Variants in LARGE1 observed in about 807,000 individuals in gnomAD.
The protein encoded by LARGE1 is LARGE xylosyl- and glucuronyltransferase 1.
In LARGE1, 43 loss-of-function variants were observed where a neutral mutation model predicts 87.6. The observed-to-expected ratio is 0.49, with a 90% confidence interval of 0.38 to 0.63. The LOEUF is 0.63. Ranked by LOEUF, LARGE1 falls within the 30% of genes least tolerant of loss-of-function variation. The pLI is 0.00. For missense variants in LARGE1, 802 were observed against 1,000.2 expected (o/e 0.80, Z 2.67); for synonymous variants, 434 against 394.6 (o/e 1.10, Z -1.18).
chr22:33,303,815 G>C (rs181787807), intron 12 of LARGE1, among the ~76,000 whole-genome samples: 10 of 150,892 alleles, frequency 6.6e-5, no homozygotes, highest in Non-Finnish European at 8.8e-5. Context: ...AGTAGGGGGG[G>C]GGTTTCACCA....
At chr22:33,871,982 C>CAAAAAACAAAAAAA (rs2064298852) in intron 1 of LARGE1, among the ~76,000 whole-genome samples, 1 of 86,814 alleles carries the variant, frequency 1.2e-5, no homozygotes, top group African/African-American at 3.9e-5. Context: ...TCTAAATCAG[C>CAAAAAACAAAAAAA]AAAAAAAAAA....
At position 33,431,970 on chromosome 22, in the gene LARGE1, A is replaced by G. The variant is rs532239616; in HGVS notation, c.892+191T>C. On this transcript the variant is annotated intron_variant, in intron 7 of 14. Transcript: ENST00000397394. ...AGATGCCACAGACTGCCACAGCCCA[A>G]CGGTTACTCTACCTGTGGGTATAGC... Among the ~76,000 whole-genome samples, 19 of 152,312 alleles carry G rather than the reference A, an allele frequency of 1.2e-4. No homozygotes were observed. In the South Asian group the frequency reaches 3.9e-3, roughly 32 times the overall value.
chr22:33,284,804 T>C (rs1285951169), intron 12 of LARGE1, among the ~76,000 whole-genome samples: 1 of 152,180 alleles, frequency 6.6e-6, no homozygotes, highest in Non-Finnish European at 1.5e-5. Flanking sequence ...CTTGATCTCT[T>C]GACCTTGTGA....
rs537058812 is a variant in LARGE1, at chr22:33,772,575, TA to T, written c.-82-11018del. On this transcript the variant is annotated intron_variant, in intron 1 of 14. Transcript: ENST00000397394. Reference sequence around the variant, plus strand: ...TTGCTGGACTGCATCCTTATCCCTCTAGACTGGATCTTGAATGCTGTCAACT... The same window carrying T: ...TTGCTGGACTGCATCCTTATCCCTCTGACTGGATCTTGAATGCTGTCAACT... Among the ~76,000 whole-genome samples, 26 of 152,194 alleles carry T rather than the reference TA, an allele frequency of 1.7e-4. No homozygotes were observed. The South Asian group carries it at 5.4e-3, about 32-fold the overall frequency.
In LARGE1 at chr22:33,381,938, CTG is replaced by C; in HGVS notation, c.1110_1111del (p.Tyr370Ter). On this transcript the variant is annotated stop_gained and frameshift_variant, in exon 9 of 15. Coordinates refer to ENST00000397394, the MANE Select transcript of LARGE1 (RefSeq NM_133642.5). LOFTEE classifies it high-confidence loss of function. ...CCCTACCTTTAGATCAGACACGTCT[CTG>C]TAGCACTGCTCGGAGCGGGTGTGGT... 1 of 1,614,156 alleles carries C rather than the reference CTG, an allele frequency of 6.2e-7. No individual in the cohort carries two copies. The highest frequency in any genetic ancestry group is 8.5e-7 in the Non-Finnish European group (1 of 1,180,020).
intron 11 of LARGE1, among the ~76,000 whole-genome samples, chr22:33,176,310 T>C (rs1922866770): frequency 6.6e-6 from 1 of 152,136 alleles, no homozygotes; most frequent in African/African-American, 2.4e-5. Flanking sequence ...AAATGGGATC[T>C]AATGAAGCTA....
intron 10 of LARGE1, among the ~76,000 whole-genome samples, chr22:33,318,666 G>A (rs1421576315): frequency 2.6e-5 from 4 of 152,042 alleles, no homozygotes; most frequent in Non-Finnish European, 5.9e-5. Flanking sequence ...GTTAATGGGT[G>A]CAGCACACCA....
chr22:33,594,826 C>T (rs751600498), intron 5 of LARGE1, among the ~76,000 whole-genome samples: 4 of 152,144 alleles, frequency 2.6e-5, no homozygotes, highest in African/African-American at 4.8e-5. Context: ...AGGCTGGTCT[C>T]GAACTCCTGA....
At chr22:33,604,084 C>T (rs1232277946) in intron 5 of LARGE1, among the ~76,000 whole-genome samples, 2 of 152,012 alleles carry the variant, frequency 1.3e-5, no homozygotes, top group Non-Finnish European at 2.9e-5. Context: ...AAATTTAAAC[C>T]CCAGCCCATG....
intron 6 of LARGE1, among the ~76,000 whole-genome samples, chr22:33,562,605 G>A (rs2077894038): frequency 2.0e-5 from 3 of 152,334 alleles, no homozygotes; most frequent in South Asian, 2.1e-4. Flanking sequence ...GAATCTGAGA[G>A]TCCTCCAAAT....
At chr22:33,576,510 G>C (rs966592695) in intron 5 of LARGE1, among the ~76,000 whole-genome samples, 1 of 152,062 alleles carries the variant, frequency 6.6e-6, no homozygotes, top group Non-Finnish European at 1.5e-5. Flanking sequence ...AGGTGGCTTT[G>C]GTGCTATTGT....
intron 6 of LARGE1, among the ~76,000 whole-genome samples, chr22:33,503,033 C>T (rs1162980372): frequency 2.6e-5 from 4 of 152,138 alleles, no homozygotes; most frequent in Admixed American, 1.3e-4. Context: ...GGTTGAGGTT[C>T]GAATCAGGTA....
chr22:33,198,788 T>C (rs1924220699), intron 11 of LARGE1, among the ~76,000 whole-genome samples: 1 of 152,198 alleles, frequency 6.6e-6, no homozygotes, highest in South Asian at 2.1e-4. Context: ...TTTGCTATTG[T>C]GAATAGTGCT....
intron 11 of LARGE1, among the ~76,000 whole-genome samples, chr22:33,209,791 G>T (rs1026738422): frequency 1.3e-5 from 2 of 152,032 alleles, no homozygotes; most frequent in Non-Finnish European, 1.5e-5. Flanking sequence ...GACTACAGGC[G>T]TGCACCACCA....
At chr22:33,584,892 A>G (rs915044712) in intron 5 of LARGE1, among the ~76,000 whole-genome samples, 1 of 152,174 alleles carries the variant, frequency 6.6e-6, no homozygotes, top group African/African-American at 2.4e-5. Flanking sequence ...TGAGGCTGGC[A>G]GATCACTTGA....
chr22:33,784,032 A>G (rs1876356671), intron 1 of LARGE1, among the ~76,000 whole-genome samples: 1 of 152,136 alleles, frequency 6.6e-6, no homozygotes, highest in African/African-American at 2.4e-5. Context: ...TGCATGGCAG[A>G]TCCAAGATTA....
Position 33,210,500 on chromosome 22 carries a change from T to C in LARGE1, c.1731-43668A>G, listed in dbSNP as rs569935347. Among the ~76,000 whole-genome samples, 4 of 152,366 alleles carry C rather than the reference T, an allele frequency of 2.6e-5. No individual in the cohort carries two copies. The East Asian group carries it at 7.7e-4, about 29-fold the overall frequency. ...AGCCCTACAGGGCTGAACCTCATTCTTGGAGGCCTCAGAGGGAGGTCCTCC... is the reference window on the plus strand; with the variant it reads ...AGCCCTACAGGGCTGAACCTCATTCCTGGAGGCCTCAGAGGGAGGTCCTCC... On this transcript the variant is annotated intron_variant, in intron 11 of 11. Transcript: ENST00000608642.
intron 6 of LARGE1, among the ~76,000 whole-genome samples, chr22:33,439,162 C>G (rs971913869): frequency 4.7e-5 from 7 of 150,446 alleles, no homozygotes; most frequent in Non-Finnish European, 1.5e-5. Flanking sequence ...TGCAGTGAAC[C>G]GAGACTGCGC....
intron 1 of LARGE1, among the ~76,000 whole-genome samples, chr22:33,878,291 T>C (rs2064548741): frequency 6.6e-6 from 1 of 151,366 alleles, no homozygotes; most frequent in South Asian, 2.1e-4. Context: ...GCACCCGCCA[T>C]CACGCCCAGC....
Sources: allele counts gnomAD v4.1 joint callset (sites outside exome capture counted in the v4.1 genomes callset), GRCh38; gene constraint gnomAD v4.1.1; transcripts MANE v1.5; gene names NCBI Gene and HGNC (gene_info 2026-07-23, HGNC 2026-07-21).